SESN3: variants seen among roughly 807,000 people sequenced by gnomAD.
SESN3 encodes the protein sestrin-3.
SESN3 carries 21 observed loss-of-function variants against 55.3 expected under a neutral mutation model. The observed-to-expected ratio is 0.38, with a 90% confidence interval of 0.27 to 0.55. SESN3 has a LOEUF of 0.55. Ranked by LOEUF, SESN3 falls within the 20% of genes least tolerant of loss-of-function variation. SESN3 has a pLI of 0.76. For synonymous variants in SESN3, 181 were observed against 203.1 expected, an observed-to-expected ratio of 0.89 and a Z score of 0.93; for missense variants, 408 against 604.3, an observed-to-expected ratio of 0.68 and a Z score of 3.41.
At chr11:95,221,229 G>T (rs994650402) in intron 1 of SESN3, among the ~76,000 whole-genome samples, 1 of 151,986 alleles carries the variant, frequency 6.6e-6, no homozygotes, top group Non-Finnish European at 1.5e-5. Context: ...GCTTGAACCC[G>T]GGAGGCGGTG....
At chr11:95,214,531 C>T (rs1860717326) in intron 1 of SESN3, among the ~76,000 whole-genome samples, 1 of 152,054 alleles carries the variant, frequency 6.6e-6, no homozygotes, top group Non-Finnish European at 1.5e-5. Flanking sequence ...TTGTAGGCCT[C>T]CTGTCTCCAA....
intron 1 of SESN3, among the ~76,000 whole-genome samples, chr11:95,220,254 T>A (rs1860834645): frequency 6.6e-6 from 1 of 152,196 alleles, no homozygotes; most frequent in Non-Finnish European, 1.5e-5. Context: ...ATAATAGTTT[T>A]ACTGAAAAAA....
rs574525728 is a variant in SESN3 at position 95,172,906 on chromosome 11, C to T, written c.*349G>A. On this transcript the variant is annotated 3_prime_UTR_variant, in exon 10 of 10. Transcript: ENST00000536441. ...GTCCTTATTCTTAAAAAAAAAAGGG[C>T]GGGGTGGGGGGAGAAAAAATACACA... The T allele has an allele frequency of 9.0e-5, 17 of 188,890 alleles. No individual in the cohort carries two copies. The highest frequency in any genetic ancestry group is 4.2e-4 in the Admixed American group (7 of 16,656). The allele number at this position is 188,890 out of a possible 1,614,324, so 11.7% of individuals were successfully genotyped here.
chr11:95,228,929 CA>C (rs1860997575), intron 1 of SESN3, among the ~76,000 whole-genome samples: 2 of 152,250 alleles, frequency 1.3e-5, no homozygotes, highest in South Asian at 4.1e-4. Flanking sequence ...TAAATGCTAG[CA>C]AAGTGTCATG....
intron 6 of SESN3, chr11:95,184,165 C>A (rs555648185): frequency 8.7e-6 from 4 of 459,090 alleles, no homozygotes; most frequent in African/African-American, 6.0e-5. Context: ...AGTAACTGAT[C>A]TGCTTTAAAT....
chr11:95,205,807 C>T (rs1211334624), intron 1 of SESN3, among the ~76,000 whole-genome samples: 1 of 152,062 alleles, frequency 6.6e-6, no homozygotes, highest in Admixed American at 6.6e-5. Flanking sequence ...TATCTCACCA[C>T]CTGTTCACAA....
chr11:95,185,720 A>G (rs896804933), intron 4 of SESN3, among the ~76,000 whole-genome samples: 7 of 152,084 alleles, frequency 4.6e-5, no homozygotes, highest in Non-Finnish European at 1.0e-4. Flanking sequence ...CCCTTATTAT[A>G]CAATAAATCT....
chr11:95,173,788 G>A (rs561854441), intron 9 of SESN3, among the ~76,000 whole-genome samples: 3 of 151,816 alleles, frequency 2.0e-5, no homozygotes, highest in African/African-American at 7.2e-5. Context: ...AAAATCTGAT[G>A]TTTAAAGTTT....
chr11:95,219,702 T>G (rs183151951), intron 1 of SESN3, among the ~76,000 whole-genome samples: 261 of 152,302 alleles, frequency 1.7e-3, no homozygotes, highest in Non-Finnish European at 1.9e-3. Flanking sequence ...ACAGTTTTCC[T>G]ATTAGACACA....
chr11:95,196,733 G>A (rs1467407564), intron 1 of SESN3, among the ~76,000 whole-genome samples: 3 of 152,186 alleles, frequency 2.0e-5, no homozygotes, highest in African/African-American at 4.8e-5. Context: ...ATAGGACCAC[G>A]TGTACTCTAC....
At position 95,184,718 on chromosome 11, in the gene SESN3, C is replaced by T. The variant is rs149359856; in HGVS notation, c.763-124G>A. ...AGGCACAGTTATGAAGTTCTTAAGT[C>T]GGTTTTTCACCAATTTCAAAGGAAA... On this transcript the variant is annotated intron_variant, in intron 5 of 9. Coordinates refer to ENST00000536441, the MANE Select transcript of SESN3 (RefSeq NM_144665.4). 6.8e-3 allele frequency: 5,213 copies of T among 763,274 alleles called. 23 individuals carry two copies. Among genetic ancestry groups the T allele is most frequent in the Non-Finnish European group, 7.5e-3 (3,656 of 488,524 alleles). The allele number at this position is 763,274 out of a possible 1,614,324, so 47.3% of individuals were successfully genotyped here. A position where few individuals can be genotyped will look rare whatever the true frequency, so the allele number is the denominator to read the frequency against.
chr11:95,201,071 T>C (rs1184637580), intron 1 of SESN3: 40 of 152,044 alleles, frequency 2.6e-4, no homozygotes, highest in Admixed American at 2.6e-3. Flanking sequence ...TAGTAGTATG[T>C]TTTTCTATTT....
At chr11:95,176,707 G>C (rs916529635) in intron 8 of SESN3, among the ~76,000 whole-genome samples, 1 of 152,014 alleles carries the variant, frequency 6.6e-6, no homozygotes, top group Non-Finnish European at 1.5e-5. Context: ...TTATTTTGTA[G>C]CATCCAACAG....
intron 4 of SESN3, among the ~76,000 whole-genome samples, chr11:95,186,741 A>G (rs910828006): frequency 6.6e-6 from 1 of 151,924 alleles, no homozygotes; most frequent in Non-Finnish European, 1.5e-5. Context: ...TGTGTTAATT[A>G]AAAAATAAAA....
At chr11:95,204,746 G>A (rs1290949869) in intron 1 of SESN3, 3 of 152,134 alleles carry the variant, frequency 2.0e-5, no homozygotes, top group East Asian at 1.9e-4. Context: ...CTCAGCTTGC[G>A]GAACTGTGAG....
At chr11:95,181,014 T>C (rs1460883418) in intron 6 of SESN3, among the ~76,000 whole-genome samples, 6 of 152,096 alleles carry the variant, frequency 3.9e-5, no homozygotes, top group South Asian at 2.1e-4. Flanking sequence ...GAAAGGTAGT[T>C]TTATAGGTTG....
chr11:95,173,119 A>AAAC lies in SESN3; in HGVS notation c.*135_*136insGTT, dbSNP rs72283010. On this transcript the variant is annotated 3_prime_UTR_variant, in exon 10 of 10. Transcript: ENST00000536441. The stretch of plus-strand genomic sequence containing the variant: ...ATTGCACATTACAGCCGCAAAAAAC[A>AAAC]AAAAAAAAAAAACAAACGGCTAAAC... The AAAC allele has an allele frequency of 0.022, 5,754 of 263,562 alleles. 16 individuals are homozygous for AAAC. The highest frequency in any genetic ancestry group is 0.028 in the Non-Finnish European group (3,949 of 138,936). The allele number at this position is 263,562 out of a possible 1,614,324, so 16.3% of individuals were successfully genotyped here. A position where few individuals can be genotyped will look rare whatever the true frequency, so the allele number is the denominator to read the frequency against.
chr11:95,221,981 T>C (rs1860866861), intron 1 of SESN3, among the ~76,000 whole-genome samples: 1 of 152,168 alleles, frequency 6.6e-6, no homozygotes, highest in Non-Finnish European at 1.5e-5. Flanking sequence ...TTTGGGAGAC[T>C]TTCAAAGTAA....
chr11:95,219,098 A>C lies in SESN3; in HGVS notation c.78+11685T>G, dbSNP rs76852346. Among the ~76,000 whole-genome samples the C allele has an allele frequency of 1.7e-3, 254 of 147,416 alleles. 3 individuals are homozygous for C. The East Asian group carries it at 0.033, about 19-fold the overall frequency. On this transcript the variant is annotated intron_variant, in intron 1 of 9. Transcript: ENST00000536441. Reference sequence around the variant, plus strand: ...ACAAACTAGAGCTTTAGTTATTTTTAATAGCTACACAATATAAAAATTAAT... The same window carrying C: ...ACAAACTAGAGCTTTAGTTATTTTTCATAGCTACACAATATAAAAATTAAT...
Sources: allele counts gnomAD v4.1 joint callset (sites outside exome capture counted in the v4.1 genomes callset), GRCh38; gene constraint gnomAD v4.1.1; transcripts MANE v1.5; gene names NCBI Gene and HGNC (gene_info 2026-07-23, HGNC 2026-07-21).